Variants in BRCA2 observed in about 807,000 individuals in gnomAD.
The protein encoded by BRCA2 is breast cancer type 2 susceptibility protein.
Under a neutral mutation model 276.7 loss-of-function variants are expected in BRCA2, and 203 were observed. The ratio of observed to expected loss-of-function variants is 0.73; its 90% CI spans 0.65 to 0.82. The LOEUF is 0.82. Ranked by LOEUF, BRCA2 falls within the 40% of genes least tolerant of loss-of-function variation. The probability of loss-of-function intolerance (pLI) is 0.00; values close to 1 mark genes in which losing one functional copy is unlikely to be tolerated. For missense variants in BRCA2, 3,920 were observed against 3,915.0 expected (o/e 1.00, Z -0.03); for synonymous variants, 1,289 against 1,338.4 (o/e 0.96, Z 0.81).
intron 24 of BRCA2, 75 bp from the exon 25 acceptor site, chr13:32,394,614 G>A (rs276174922): frequency 6.6e-7 from 1 of 1,518,016 alleles, no homozygotes; most frequent in Non-Finnish European, 9.0e-7. Context: ...AGGCATATTA[G>A]AGTTTCCTTT....
chr13:32,332,136 A>G, intron 9 of BRCA2, 136 bp from the exon 10 acceptor site: 1 of 859,792 alleles, frequency 1.2e-6, no homozygotes, highest in Non-Finnish European at 1.7e-6. Flanking sequence ...CCAAGTACTC[A>G]GAATAACCCT....
Position 32,346,772 on chromosome 13 carries a change from A to G in BRCA2, c.6938-55A>G, listed in dbSNP as rs1260007137. ...AAATTTTTTGTGTATTTACAGTAAC[A>G]TGGATATTCTCTTAGATTTTAACTA... On this transcript the variant is annotated intron_variant, in intron 12 of 26. Coordinates refer to ENST00000380152, the MANE Select transcript of BRCA2 (RefSeq NM_000059.4). The G allele has an allele frequency of 2.8e-6, 4 of 1,435,126 alleles. No homozygotes were observed. In the African/African-American group the frequency reaches 5.7e-5, roughly 21 times the overall value. The allele number at this position is 1,435,126 out of a possible 1,614,324, so 88.9% of individuals were successfully genotyped here. A position where few individuals can be genotyped will look rare whatever the true frequency, so the allele number is the denominator to read the frequency against.
chr13:32,373,350 T>G (rs1284486939), intron 20 of BRCA2, among the ~76,000 whole-genome samples: 10 of 150,462 alleles, frequency 6.6e-5, no homozygotes, highest in Non-Finnish European at 1.0e-4. Flanking sequence ...TATGAAAAAT[T>G]CAAAAATTAG....
At position 32,340,593 on chromosome 13, in the gene BRCA2, T is replaced by G. The variant is rs876658993; in HGVS notation, c.6238T>G (p.Leu2080Val). 6.2e-7 allele frequency: 1 copy of G among 1,608,566 alleles called. No individual in the cohort carries two copies. The highest frequency in any genetic ancestry group is 1.3e-5 in the African/African-American group (1 of 74,662). Residue 2080 changes from leucine (L) to valine (V), a missense_variant, in exon 11 of 27, where the codon TTA (leucine) becomes GTA (valine). Leu to Val is a conservative substitution (Grantham distance 32, BLOSUM62 1). Transcript: ENST00000380152. ...TTCCTTACACAAAGTTAAGGGAGTG[T>G]TAGAGGAATTTGATTTAATCAGAAC... ...ESSLHKVKGV[L>V]EEFDLIRTEH...
intron 12 of BRCA2, among the ~76,000 whole-genome samples, chr13:32,345,892 T>C (rs573622015): frequency 6.6e-6 from 1 of 152,148 alleles, no homozygotes; most frequent in Non-Finnish European, 1.5e-5. Context: ...TGTGACCATT[T>C]TGGATTTTCA....
intron 25 of BRCA2, chr13:32,395,971 T>TC (rs1178822989): frequency 1.2e-5 from 3 of 250,024 alleles, no homozygotes; most frequent in African/African-American, 2.7e-5. Context: ...TTTTTTTTTT[T>TC]TTTTTTTTTT....
intron 21 of BRCA2, among the ~76,000 whole-genome samples, chr13:32,379,064 G>T (rs1465702937): frequency 6.6e-6 from 1 of 152,168 alleles, no homozygotes; most frequent in African/African-American, 2.4e-5. Context: ...TTAGCCATCT[G>T]TAATGTAGTT....
rs81002840 is a variant in BRCA2 at position 32,319,330 on chromosome 13, G to A, written c.316+5G>A. ...ATAAATTCAAATTAGACTTAGGTAA[G>A]TAATGCAATATGGTAGACTGGGGAG... On this transcript the variant is annotated splice_donor_5th_base_variant and intron_variant, in intron 3 of 26. Coordinates refer to ENST00000380152, the MANE Select transcript of BRCA2 (RefSeq NM_000059.4). 6.2e-7 allele frequency: 1 copy of A among 1,609,660 alleles called. No individual in the cohort carries two copies. Among genetic ancestry groups the A allele is most frequent in the Non-Finnish European group, 8.5e-7 (1 of 1,176,098 alleles).
chr13:32,331,822 T>C (rs1467537879), intron 9 of BRCA2, among the ~76,000 whole-genome samples: 1 of 152,144 alleles, frequency 6.6e-6, no homozygotes, highest in African/African-American at 2.4e-5. Flanking sequence ...TCTGTATAAC[T>C]GTGTAGGATT....
chr13:32,376,426 C>G (rs1400343169), intron 20 of BRCA2, among the ~76,000 whole-genome samples: 1 of 150,608 alleles, frequency 6.6e-6, no homozygotes, highest in Non-Finnish European at 1.5e-5. Flanking sequence ...GAGGCTGAGG[C>G]AGGAGAACCA....
At chr13:32,373,103 T>C (rs574415915) in intron 20 of BRCA2, among the ~76,000 whole-genome samples, 53 of 151,882 alleles carry the variant, frequency 3.5e-4, no homozygotes, top group African/African-American at 1.3e-3. Context: ...GCAATTCTCA[T>C]GCCTCAGCCT....
At chr13:32,350,754 A>G (rs984011340) in intron 13 of BRCA2, among the ~76,000 whole-genome samples, 2 of 151,756 alleles carry the variant, frequency 1.3e-5, no homozygotes, top group South Asian at 2.1e-4. Flanking sequence ...CTCCGTCTCA[A>G]AAAAAAAACA....
intron 18 of BRCA2, among the ~76,000 whole-genome samples, chr13:32,365,521 C>T (rs1566246786): frequency 6.6e-6 from 1 of 151,988 alleles, no homozygotes; most frequent in South Asian, 2.1e-4. Flanking sequence ...GCTGGGATTA[C>T]AGGTACCTGC....
In BRCA2 at chr13:32,398,716, G is replaced by A. The variant is rs147854265; in HGVS notation, c.10203G>A (p.Thr3401=). Residue 3401 remains threonine (T), a synonymous_variant, in exon 27 of 27, where the codon ACG becomes ACA. Transcript: ENST00000380152. ...AACAGGAGAGTTCCCAGGCCAGTAC[G>A]GAAGAATGTGAGAAAAATAAGCAGG... The part of the protein sequence containing the change: ...IKEQESSQAS[T]EECEKNKQDT... The A allele has an allele frequency of 4.2e-5, 67 of 1,613,686 alleles. No individual in the cohort carries two copies. Among genetic ancestry groups the A allele is most frequent in the African/African-American group, 2.5e-4 (19 of 74,868 alleles).
chr13:32,318,972 T>C (rs2138702934), intron 2 of BRCA2, 105 bp from the exon 3 acceptor site: 1 of 1,437,330 alleles, frequency 7.0e-7, no homozygotes, highest in Non-Finnish European at 9.5e-7. Flanking sequence ...AAGTAATCCA[T>C]AGTCAAGATC....
Position 32,333,284 on chromosome 13 carries a change from A to G in BRCA2, c.1806A>G (p.Gly602=), listed in dbSNP as rs876658692. The change falls in exon 10 of 27, where the codon GGA becomes GGG. Residue 602 remains glycine (G), a synonymous_variant. Transcript: ENST00000380152. ...YAIHDETSYK[G]KKIPKDQKSE... ...TACATGATGAAACATCTTATAAAGG[A>G]AAAAAAATACCGAAAGACCAAAAAT... is the stretch of plus-strand genomic sequence containing the variant. The G allele has an allele frequency of 1.3e-6, 2 of 1,599,538 alleles. No homozygotes were observed. The highest frequency in any genetic ancestry group is 1.7e-6 in the Non-Finnish European group (2 of 1,173,948).
intron 13 of BRCA2, among the ~76,000 whole-genome samples, chr13:32,349,469 T>C (rs1226648843): frequency 3.3e-5 from 5 of 152,100 alleles, no homozygotes; most frequent in Admixed American, 3.3e-4. Context: ...ATTGGTGGCT[T>C]CATTTCTTAT....
intron 13 of BRCA2, among the ~76,000 whole-genome samples, chr13:32,349,377 T>C (rs1037194174): frequency 1.3e-5 from 2 of 150,928 alleles, no homozygotes; most frequent in Admixed American, 1.3e-4. Context: ...TCTCAAAGCA[T>C]GCAGAAGGAA....
intron 13 of BRCA2, among the ~76,000 whole-genome samples, chr13:32,350,591 TAACAA>T (rs1285197538): frequency 6.6e-6 from 1 of 151,558 alleles, no homozygotes; most frequent in Non-Finnish European, 1.5e-5. Context: ...CTACTAAAAA[TAACAA>T]AACAAAATTA....
Sources: gnomAD v4.1 joint callset for allele counts (sites outside exome capture counted in the v4.1 genomes callset) on GRCh38, gnomAD v4.1.1 for gene constraint, MANE v1.5 for transcripts, NCBI Gene and HGNC (gene_info 2026-07-23, HGNC 2026-07-21) for gene names.